The following PRORP variants were observed in gnomAD, a reference collection of about 807,000 sequenced individuals.
PRORP encodes protein only RNase P catalytic subunit, also known as mitochondrial ribonuclease P catalytic subunit.
A neutral mutation model predicts 59.4 loss-of-function variants in PRORP; 51 were observed. That is an observed-to-expected ratio of 0.86 (90% CI 0.69 to 1.08). PRORP has a LOEUF of 1.08. Ranked by LOEUF, PRORP falls within the 50% of genes least tolerant of loss-of-function variation. The pLI, the probability that PRORP is intolerant of heterozygous loss-of-function variation, is 0.00. For synonymous variants in PRORP, 231 were observed against 245.6 expected (o/e 0.94, Z 0.55); for missense variants, 646 against 690.3 (o/e 0.94, Z 0.72).
intron 5 of PRORP, among the ~76,000 whole-genome samples, chr14:35,254,013 C>T (rs1470857885): frequency 1.3e-5 from 2 of 150,930 alleles, no homozygotes; most frequent in East Asian, 3.9e-4. Context: ...AGATCCCTCT[C>T]CTAAGTGGTA....
At chr14:35,220,687 C>A (rs1343319963) in intron 5 of PRORP, among the ~76,000 whole-genome samples, 1 of 151,820 alleles carries the variant, frequency 6.6e-6, no homozygotes, top group African/African-American at 2.4e-5. Flanking sequence ...CTATATTTTC[C>A]TGAGTCTGTT....
At chr14:35,127,929 T>G (rs2047138537) in intron 4 of PRORP, among the ~76,000 whole-genome samples, 1 of 152,184 alleles carries the variant, frequency 6.6e-6, no homozygotes, top group Non-Finnish European at 1.5e-5. Context: ...TCTGTTGAAG[T>G]CAATCCTATT....
chr14:35,262,853 T>C lies in PRORP; in HGVS notation c.1276-3874T>C, dbSNP rs1336768845. The C allele has an allele frequency of 3.9e-6, 6 of 1,525,488 alleles. No individual in the cohort carries two copies. The African/African-American group carries it at 5.4e-5, about 14-fold the overall frequency. The allele number at this position is 1,525,488 out of a possible 1,614,324, so 94.5% of individuals were successfully genotyped here. ...TCAGGGTTCGGATGAGAACAGGTGT[T>C]GCTTGTTCAGTATCTCAAGCCCAGA... is the stretch of plus-strand genomic sequence containing the variant. On this transcript the variant is annotated intron_variant, in intron 5 of 7. Coordinates refer to ENST00000534898, the MANE Select transcript of PRORP (RefSeq NM_014672.4).
rs768437541 is a variant in PRORP at position 35,127,499 on chromosome 14, GA to G, written c.1060del (p.Thr354ProfsTer2). 1.2e-6 allele frequency: 2 copies of G among 1,609,162 alleles called. No homozygotes were observed. The highest frequency in any genetic ancestry group is 1.7e-5 in the Admixed American group (1 of 59,402). On this transcript the variant is annotated frameshift_variant, in exon 4 of 8. Coordinates refer to ENST00000534898, the MANE Select transcript of PRORP (RefSeq NM_014672.4). LOFTEE classifies it high-confidence loss of function. ...TACAGTGGCCAGTGTTCGGGCTGTGGAAAAACCATAGAGTCTATTCAGCTGA... is the reference window on the plus strand; with the variant it reads ...TACAGTGGCCAGTGTTCGGGCTGTGGAAAACCATAGAGTCTATTCAGCTGA... ...VRKSGQCSGCGKTIESIQLSP... is the reference protein window; with the variant it reads ...VRKSGQCSGCXKTIESIQLSP...
chr14:35,205,519 G>A (rs1288130462), intron 5 of PRORP, among the ~76,000 whole-genome samples: 1 of 151,882 alleles, frequency 6.6e-6, no homozygotes, highest in Non-Finnish European at 1.5e-5. Context: ...ACAAGGTCTC[G>A]CTATGTTACC....
chr14:35,132,550 AG>A (rs1236058946), intron 4 of PRORP, among the ~76,000 whole-genome samples: 1 of 151,808 alleles, frequency 6.6e-6, no homozygotes, highest in Non-Finnish European at 1.5e-5. Context: ...TGGGAGGCCG[AG>A]GTGGGTGTGA....
rs1386265241 is a variant in PRORP, at chr14:35,126,791, C to G, written c.1034+9C>G. 6.3e-7 allele frequency: 1 copy of G among 1,599,636 alleles called. No homozygotes were observed. Among genetic ancestry groups the G allele is most frequent in the East Asian group, 2.2e-5 (1 of 44,558 alleles). ...ACCACAGTCCGAAAAAGGTGAAGACCAATGTTTATTTTTAACTTGTTTGAT... is the reference window on the plus strand; with the variant it reads ...ACCACAGTCCGAAAAAGGTGAAGACGAATGTTTATTTTTAACTTGTTTGAT... On this transcript the variant is annotated intron_variant, in intron 3 of 7. Transcript: ENST00000534898.
intron 4 of PRORP, among the ~76,000 whole-genome samples, chr14:35,160,642 A>G (rs184226187): frequency 2.2e-3 from 342 of 152,312 alleles, no homozygotes; most frequent in Non-Finnish European, 3.8e-3. Flanking sequence ...TTTCTGCTTT[A>G]TAAAGAAAGG....
chr14:35,126,188 G>A (rs2047092883), intron 2 of PRORP, among the ~76,000 whole-genome samples: 1 of 152,040 alleles, frequency 6.6e-6, no homozygotes, highest in Non-Finnish European at 1.5e-5. Context: ...AGAGAAGGCA[G>A]TAGAATCATA....
In PRORP at chr14:35,145,488, G is replaced by A. The variant is rs576759214; in HGVS notation, c.1167+17877G>A. On this transcript the variant is annotated intron_variant, in intron 4 of 7. Transcript: ENST00000534898. ...TGTAATCTCAGCACTTTGGGAGGCC[G>A]AGGCAGGCAGATCATAAGGTCAAGA... Among the ~76,000 whole-genome samples the A allele has an allele frequency of 4.9e-4, 70 of 143,264 alleles. 5 individuals carry two copies. The highest frequency in any genetic ancestry group is 1.7e-3 in the African/African-American group (69 of 40,874). The allele number at this position is 143,264 out of a possible 152,430, so 94.0% of individuals were successfully genotyped here. A position where few individuals can be genotyped will look rare whatever the true frequency, so the allele number is the denominator to read the frequency against.
intron 4 of PRORP, among the ~76,000 whole-genome samples, chr14:35,139,367 G>T (rs960948409): frequency 1.4e-5 from 2 of 144,898 alleles, no homozygotes; most frequent in Admixed American, 1.4e-4. Flanking sequence ...TATACCTGTG[G>T]AACTGTCACT....
In PRORP at chr14:35,232,388, T is replaced by A. The variant is rs867870722; in HGVS notation, c.1276-34339T>A. On this transcript the variant is annotated intron_variant, in intron 5 of 7. Coordinates refer to ENST00000534898, the MANE Select transcript of PRORP (RefSeq NM_014672.4). Reference sequence around the variant, plus strand: ...GCCTAGCTAATGTAAAAAAAAAAAATTTTTGTAGAGATGGGGTCTCACTGT... The same window carrying A: ...GCCTAGCTAATGTAAAAAAAAAAAAATTTTGTAGAGATGGGGTCTCACTGT... 7.4e-4 allele frequency among the ~76,000 whole-genome samples: 112 copies of A among 151,402 alleles called. 1 individual carries two copies. The highest frequency in any genetic ancestry group is 3.4e-3 in the Middle Eastern group (1 of 294).
chr14:35,247,394 A>G (rs1483433192), intron 5 of PRORP, among the ~76,000 whole-genome samples: 2 of 152,160 alleles, frequency 1.3e-5, no homozygotes. Flanking sequence ...GGTATTTTAT[A>G]TATTTCGAAC....
At chr14:35,175,569 T>C (rs780173229) in intron 4 of PRORP, among the ~76,000 whole-genome samples, 27 of 140,694 alleles carry the variant, frequency 1.9e-4, no homozygotes, top group African/African-American at 6.6e-4. Context: ...TCATGTCCTT[T>C]GCCCACTTTT....
chr14:35,208,935 G>A (rs2139160479), intron 5 of PRORP, among the ~76,000 whole-genome samples: 1 of 152,256 alleles, frequency 6.6e-6, no homozygotes, highest in East Asian at 1.9e-4. Flanking sequence ...ACTTGAATTT[G>A]GGAGGCAATC....
chr14:35,134,148 C>G (rs1052641809), intron 4 of PRORP, among the ~76,000 whole-genome samples: 1 of 152,198 alleles, frequency 6.6e-6, no homozygotes, highest in Non-Finnish European at 1.5e-5. Flanking sequence ...TAGAAGTCTA[C>G]CTGGTGTTCT....
At chr14:35,164,901 C>T in intron 4 of PRORP, among the ~76,000 whole-genome samples, 1 of 151,968 alleles carries the variant, frequency 6.6e-6, no homozygotes, top group Non-Finnish European at 1.5e-5. Flanking sequence ...AGGGAGACCA[C>T]ATCAAAGAAA....
intron 5 of PRORP, among the ~76,000 whole-genome samples, chr14:35,251,020 T>C (rs564144142): frequency 4.6e-5 from 7 of 152,290 alleles, no homozygotes; most frequent in African/African-American, 1.7e-4. Context: ...CCTTACCCCT[T>C]CCCACTCTTT....
chr14:35,199,462 G>A (rs976872854), intron 5 of PRORP, among the ~76,000 whole-genome samples: 2 of 152,114 alleles, frequency 1.3e-5, no homozygotes, highest in Middle Eastern at 3.2e-3. Flanking sequence ...GAGGTGATTA[G>A]GTCATGAGGA....
Sources: gnomAD v4.1 joint callset for allele counts (sites outside exome capture counted in the v4.1 genomes callset) on GRCh38, gnomAD v4.1.1 for gene constraint, MANE v1.5 for transcripts, NCBI Gene and HGNC (gene_info 2026-07-23, HGNC 2026-07-21) for gene names.